Variants in ESD observed in about 807,000 individuals in gnomAD.
ESD encodes esterase D.
A neutral mutation model predicts 38.1 loss-of-function variants in ESD; 34 were observed. The observed-to-expected ratio is 0.89, with a 90% CI of 0.68 to 1.19. The LOEUF (loss-of-function observed/expected upper bound fraction) is 1.19, where lower values mean the gene tolerates loss of function less well. Among genes scored for constraint, ESD ranks in the 50% most tolerant of loss-of-function variants. The pLI is 0.00. For missense variants in ESD, 334 were observed against 327.2 expected (o/e 1.02, Z -0.16); for synonymous variants, 97 against 107.0 (o/e 0.91, Z 0.58).
chr13:46,797,510 G>A (rs9526234), upstream of ESD, among the ~76,000 whole-genome samples: 954 of 152,220 alleles, frequency 6.3e-3, 8 homozygotes, highest in South Asian at 0.05. Context: ...CGCTTAACTC[G>A]TGCAGAGGGT....
At chr13:46,790,193 C>CT (rs1875346768) in intron 3 of ESD, among the ~76,000 whole-genome samples, 1 of 151,766 alleles carries the variant, frequency 6.6e-6, no homozygotes, top group Admixed American at 6.6e-5. Flanking sequence ...AGGTCAATAT[C>CT]TTTTATACTT....
rs1326812836 is a variant in ESD, at chr13:46,784,251, C to T, written c.256+1G>A. ...AGGATATCTAGACCACAAACACTTA[C>T]GAGGGCTGGTATCTGGAGCAATGAC... On this transcript the variant is annotated splice_donor_variant, in intron 5 of 9. Transcript: ENST00000378720. LOFTEE classifies it high-confidence loss of function. 2.4e-5 allele frequency: 39 copies of T among 1,608,472 alleles called. No homozygotes were observed. Among genetic ancestry groups the T allele is most frequent in the South Asian group, 4.4e-5 (4 of 90,898 alleles).
Position 46,782,777 on chromosome 13 carries a change from T to C in ESD, c.271A>G (p.Lys91Glu), listed in dbSNP as rs904785771. Reference protein sequence around the residue: ...PDTSPRGCNIKGEDESWDFGT... With the variant: ...PDTSPRGCNIEGEDESWDFGT... ...AAGTCCCAGCTCTCATCTTCACCTTTAATATTGCAGCCACCTATCAAGAAA... is the reference window on the plus strand; with the variant it reads ...AAGTCCCAGCTCTCATCTTCACCTTCAATATTGCAGCCACCTATCAAGAAA... The change falls in exon 6 of 10, where the codon AAA (lysine) becomes GAA (glutamate). Residue 91 changes from lysine (K) to glutamate (E), a missense_variant. Coordinates refer to ENST00000378720, the MANE Select transcript of ESD (RefSeq NM_001984.2). The C allele has an allele frequency of 6.8e-6, 11 of 1,612,124 alleles. No individual in the cohort carries two copies. The highest frequency in any genetic ancestry group is 9.3e-6 in the Non-Finnish European group (11 of 1,178,724).
intron 3 of ESD, among the ~76,000 whole-genome samples, chr13:46,790,419 C>T (rs1316828753): frequency 6.6e-6 from 1 of 152,102 alleles, no homozygotes; most frequent in East Asian, 1.9e-4. Context: ...TTGGGCTACT[C>T]AAACTCCCCA....
chr13:46,791,581 A>AT (rs927399107), intron 2 of ESD, among the ~76,000 whole-genome samples, 161 bp from the exon 3 acceptor site: 2 of 152,064 alleles, frequency 1.3e-5, no homozygotes, highest in African/African-American at 4.8e-5. Context: ...TAAGAAACTG[A>AT]TTAACGCTCA....
At chr13:46,783,514 T>G (rs1448087924) in intron 5 of ESD, among the ~76,000 whole-genome samples, 1 of 151,120 alleles carries the variant, frequency 6.6e-6, no homozygotes, top group Admixed American at 6.6e-5. Flanking sequence ...ATTAAAGTCT[T>G]CGTTTATGAT....
At chr13:46,787,532 T>C (rs915480620) in intron 3 of ESD, among the ~76,000 whole-genome samples, 2 of 151,966 alleles carry the variant, frequency 1.3e-5, no homozygotes, top group African/African-American at 4.8e-5. Context: ...AATTCGCTCT[T>C]TCATCACTAA....
intron 9 of ESD, among the ~76,000 whole-genome samples, chr13:46,773,771 A>C (rs1230417357): frequency 6.6e-6 from 1 of 152,240 alleles, no homozygotes; most frequent in Non-Finnish European, 1.5e-5. Flanking sequence ...TGTCAAGATT[A>C]AAGCTGAGCC....
intron 4 of ESD, among the ~76,000 whole-genome samples, 186 bp from the exon 5 acceptor site, chr13:46,784,536 G>A (rs1280896655): frequency 2.0e-5 from 3 of 151,850 alleles, no homozygotes; most frequent in East Asian, 3.9e-4. Flanking sequence ...CACGCAATAC[G>A]CTCATATAAC....
Position 46,782,603 on chromosome 13 carries a change from CT to C in ESD, c.381+63del, listed in dbSNP as rs35872816. 7 of 1,562,002 alleles carry C rather than the reference CT, an allele frequency of 4.5e-6. No individual in the cohort carries two copies. The Admixed American group carries it at 1.2e-4, about 27-fold the overall frequency. ...TTTAAAATCCTCAGGATTGTAAGGA[CT>C]TTGTGTTCAAAATCAAACTCTTGGC... On this transcript the variant is annotated intron_variant, in intron 6 of 9. Transcript: ENST00000378720.
At chr13:46,791,448 T>A (rs2138304519) in intron 2 of ESD, 28 bp from the exon 3 acceptor site, 2 of 1,539,094 alleles carry the variant, frequency 1.3e-6, no homozygotes, top group East Asian at 4.5e-5. Flanking sequence ...TCTCATTAAT[T>A]TCCAGAGAAT....
chr13:46,779,885 A>G, intron 8 of ESD, 50 bp downstream of exon 8: 1 of 1,441,446 alleles, frequency 6.9e-7, no homozygotes, highest in Non-Finnish European at 9.6e-7. Context: ...AACCTTTTAA[A>G]CAAACTTGAA....
At chr13:46,782,253 T>C (rs1875029277) in intron 6 of ESD, among the ~76,000 whole-genome samples, 1 of 151,798 alleles carries the variant, frequency 6.6e-6, no homozygotes, top group Non-Finnish European at 1.5e-5. Context: ...TTTTATGATA[T>C]ACATAGTAAC....
In ESD at chr13:46,771,515, A is replaced by G. The variant is rs768987414; in HGVS notation, c.769-19T>C. The G allele has an allele frequency of 4.7e-6, 7 of 1,481,002 alleles. No homozygotes were observed. In the African/African-American group the frequency reaches 5.6e-5, roughly 12 times the overall value. 91.7% of individuals were successfully genotyped at this position (1,481,002 alleles called of 1,614,324 possible). A position where few individuals can be genotyped will look rare whatever the true frequency, so the allele number is the denominator to read the frequency against. On this transcript the variant is annotated intron_variant, in intron 9 of 9. Coordinates refer to ENST00000378720, the MANE Select transcript of ESD (RefSeq NM_001984.2). ...CATAACCCTAGAAGATAAAGAGATG[A>G]TAAGACATTTATCTACCATTCAGGA... is the stretch of plus-strand genomic sequence containing the variant.
At position 46,777,454 on chromosome 13, in the gene ESD, G is replaced by A. The variant is rs1446405785; in HGVS notation, c.768+2C>T. The A allele has an allele frequency of 6.2e-6, 10 of 1,600,180 alleles. No individual in the cohort carries two copies. The highest frequency in any genetic ancestry group is 8.5e-6 in the Non-Finnish European group (10 of 1,171,568). ...ATCAAGCTAAAGTTTCCTAATACTT[G>A]CCTCTTGCAATCGAAAAACAACGGG... On this transcript the variant is annotated splice_donor_variant, in intron 9 of 9. Coordinates refer to ENST00000378720, the MANE Select transcript of ESD (RefSeq NM_001984.2). LOFTEE classifies it low-confidence loss of function (GC_TO_GT_DONOR).
At chr13:46,787,601 G>A (rs1310592029) in intron 3 of ESD, among the ~76,000 whole-genome samples, 1 of 151,818 alleles carries the variant, frequency 6.6e-6, no homozygotes, top group African/African-American at 2.4e-5. Context: ...TAAAACCACA[G>A]GCGTTTTTCC....
Position 46,777,572 on chromosome 13 carries a change from T to C in ESD, c.652A>G (p.Ile218Val). 4 of 1,610,788 alleles carry C rather than the reference T, an allele frequency of 2.5e-6. No individual in the cohort carries two copies. The highest frequency in any genetic ancestry group is 2.2e-5 in the East Asian group (1 of 44,766). Residue 218 changes from isoleucine to valine, a missense_variant, in exon 9 of 10, where the codon ATA (isoleucine) becomes GTA (valine). Transcript: ENST00000378720. ...VKSYPGSQLD[I>V]LIDQGKDDQF... Reference sequence around the variant, plus strand: ...TCATCTTTCCCTTGATCAATTAGTATGTCCAGCTGAGATCCTGGATAGGAT... The same window carrying C: ...TCATCTTTCCCTTGATCAATTAGTACGTCCAGCTGAGATCCTGGATAGGAT...
rs75587671 is a variant in ESD at position 46,786,989 on chromosome 13, G to A, written c.157+32C>T. 2.0e-3 allele frequency: 2,658 copies of A among 1,329,424 alleles called. 46 individuals carry two copies. The African/African-American group carries it at 0.035, about 18-fold the overall frequency. 82.4% of individuals were successfully genotyped at this position (1,329,424 alleles called of 1,614,324 possible). ...AGCCAGTTAAAAAGAAAATAGAAAC[G>A]ACTTTATAAAACTCAAATGCATAAT... On this transcript the variant is annotated intron_variant, in intron 4 of 9. Coordinates refer to ENST00000378720, the MANE Select transcript of ESD (RefSeq NM_001984.2).
chr13:46,787,477 G>A (rs955082155), intron 3 of ESD, among the ~76,000 whole-genome samples: 4 of 152,012 alleles, frequency 2.6e-5, no homozygotes, highest in African/African-American at 9.6e-5. Context: ...GAATTCTTGA[G>A]ATCTTACATA....
Sources: gnomAD v4.1 joint callset for allele counts (sites outside exome capture counted in the v4.1 genomes callset) on GRCh38, gnomAD v4.1.1 for gene constraint, MANE v1.5 for transcripts, NCBI Gene and HGNC (gene_info 2026-07-23, HGNC 2026-07-21) for gene names.